The following GRIA4 variants were observed in gnomAD, a reference collection of about 807,000 sequenced individuals.
GRIA4 encodes glutamate ionotropic receptor AMPA type subunit 4.
A neutral mutation model predicts 104.0 loss-of-function variants in GRIA4; 34 were observed. The observed-to-expected ratio is 0.33, with a 90% CI of 0.25 to 0.44. The LOEUF (loss-of-function observed/expected upper bound fraction) is 0.44. Ranked by LOEUF, GRIA4 falls within the 20% of genes least tolerant of loss-of-function variation. The probability of loss-of-function intolerance (pLI) is 1.00; values close to 1 mark genes in which losing one functional copy is unlikely to be tolerated. For missense variants in GRIA4, 750 were observed against 1,096.5 expected (o/e 0.68, Z 4.46); for synonymous variants, 386 against 381.9 (o/e 1.01, Z -0.13).
At chr11:105,967,667 T>C (rs1341663903) in intron 14 of GRIA4, among the ~76,000 whole-genome samples, 1 of 150,118 alleles carries the variant, frequency 6.7e-6, no homozygotes. Context: ...AAATACATTA[T>C]GTTTTATTTT....
At chr11:105,675,786 A>G (rs1952516687) in intron 3 of GRIA4, among the ~76,000 whole-genome samples, 1 of 151,778 alleles carries the variant, frequency 6.6e-6, no homozygotes, top group Non-Finnish European at 1.5e-5. Flanking sequence ...AAATTTGGGG[A>G]TCATATATTT....
At position 105,862,118 on chromosome 11, in the gene GRIA4, T is replaced by C. The variant is rs561485604; in HGVS notation, c.582T>C (p.Tyr194=). 3 of 1,608,468 alleles carry C rather than the reference T, an allele frequency of 1.9e-6. No individual in the cohort carries two copies. Among genetic ancestry groups the C allele is most frequent in the Admixed American group, 1.7e-5 (1 of 59,998 alleles). ...ICVENFNDVS[Y]RQLLEELDRR... is the part of the protein sequence containing the mutation. Reference sequence around the variant, plus strand: ...TGGAAAATTTTAATGATGTCAGCTATAGGCAACTTCTAGAAGAACTTGACA... The same window carrying C: ...TGGAAAATTTTAATGATGTCAGCTACAGGCAACTTCTAGAAGAACTTGACA... The change falls in exon 5 of 17, where the codon TAT becomes TAC. Residue 194 remains tyrosine, a synonymous_variant. Transcript: ENST00000282499.
chr11:105,853,336 T>G (rs1944887563), intron 4 of GRIA4, among the ~76,000 whole-genome samples: 1 of 152,148 alleles, frequency 6.6e-6, no homozygotes, highest in Non-Finnish European at 1.5e-5. Flanking sequence ...TCAGGATGGT[T>G]GCTATAAATA....
chr11:105,887,386 C>G (rs1004933959), intron 5 of GRIA4, 133 bp from the exon 6 acceptor site: 5 of 495,640 alleles, frequency 1.0e-5, no homozygotes, highest in South Asian at 3.5e-5. Flanking sequence ...TAGTACGTGA[C>G]TTTTATTTTT....
chr11:105,869,202 G>C lies in GRIA4; in HGVS notation c.672+6994G>C, dbSNP rs539650329. Among the ~76,000 whole-genome samples, 3 of 152,230 alleles carry C rather than the reference G, an allele frequency of 2.0e-5. No individual in the cohort carries two copies. The South Asian group carries it at 6.2e-4, about 32-fold the overall frequency. ...AAAGGATATAAGTTTTTTCAAGGAA[G>C]AAGAAAAATATGATTGTCAGAATGC... On this transcript the variant is annotated intron_variant, in intron 5 of 16. Coordinates refer to ENST00000282499, the MANE Select transcript of GRIA4 (RefSeq NM_000829.4).
At chr11:105,649,208 T>C (rs1162164738) in intron 3 of GRIA4, among the ~76,000 whole-genome samples, 2 of 152,038 alleles carry the variant, frequency 1.3e-5, no homozygotes. Flanking sequence ...TCAATAGAAA[T>C]GCATTAGTAG....
intron 3 of GRIA4, among the ~76,000 whole-genome samples, chr11:105,679,571 T>A (rs1203874899): frequency 1.3e-5 from 2 of 152,170 alleles, no homozygotes; most frequent in African/African-American, 4.8e-5. Context: ...TGATATTTAC[T>A]GTTCTTGATA....
chr11:105,683,672 G>A (rs1952779939), intron 3 of GRIA4, among the ~76,000 whole-genome samples: 2 of 151,218 alleles, frequency 1.3e-5, no homozygotes, highest in Non-Finnish European at 3.0e-5. Flanking sequence ...CAATGTTAAG[G>A]AAAAAAAAGC....
chr11:105,920,285 TA>T (rs1206967737), intron 11 of GRIA4, among the ~76,000 whole-genome samples: 1 of 152,200 alleles, frequency 6.6e-6, no homozygotes, highest in Non-Finnish European at 1.5e-5. Flanking sequence ...TATTGAGCTT[TA>T]AATTCCAAAG....
At chr11:105,970,217 A>G (rs558013465) in intron 14 of GRIA4, among the ~76,000 whole-genome samples, 3 of 152,268 alleles carry the variant, frequency 2.0e-5, no homozygotes, top group South Asian at 4.1e-4. Context: ...GGAACAATGA[A>G]CCTAAGCCAT....
At chr11:105,945,702 T>A (rs1454555878) in intron 14 of GRIA4, among the ~76,000 whole-genome samples, 1 of 152,242 alleles carries the variant, frequency 6.6e-6, no homozygotes, top group Non-Finnish European at 1.5e-5. Flanking sequence ...ATAAAAACTT[T>A]CACACAAGTC....
At chr11:105,844,883 T>G (rs1394221102) in intron 4 of GRIA4, among the ~76,000 whole-genome samples, 1 of 152,192 alleles carries the variant, frequency 6.6e-6, no homozygotes, top group Non-Finnish European at 1.5e-5. Context: ...CTTCTGCGGT[T>G]TATAGAAGAC....
chr11:105,678,823 A>G (rs1434533186), intron 3 of GRIA4, among the ~76,000 whole-genome samples: 1 of 152,118 alleles, frequency 6.6e-6, no homozygotes, highest in Non-Finnish European at 1.5e-5. Context: ...TAAATAAAAT[A>G]AAGCTAATGT....
chr11:105,741,310 C>G (rs993708724), intron 3 of GRIA4, among the ~76,000 whole-genome samples: 1 of 151,940 alleles, frequency 6.6e-6, no homozygotes, highest in Non-Finnish European at 1.5e-5. Context: ...AAGAGACAAC[C>G]AAAGGGTGTG....
chr11:105,627,286 G>T (rs991100142), intron 3 of GRIA4, among the ~76,000 whole-genome samples: 1 of 152,102 alleles, frequency 6.6e-6, no homozygotes, highest in Non-Finnish European at 1.5e-5. Flanking sequence ...ATAGAGTAGG[G>T]GTAGGGGGGA....
chr11:105,665,056 T>C (rs1197522307), intron 3 of GRIA4, among the ~76,000 whole-genome samples: 1 of 152,056 alleles, frequency 6.6e-6, no homozygotes, highest in Non-Finnish European at 1.5e-5. Context: ...TTTGAGGTAA[T>C]GACAAAGTAC....
intron 5 of GRIA4, among the ~76,000 whole-genome samples, chr11:105,864,660 C>T (rs575056003): frequency 2.6e-5 from 4 of 152,198 alleles, no homozygotes; most frequent in East Asian, 1.9e-4. Context: ...CACCTGAGGT[C>T]GGGAGTTCGA....
At chr11:105,726,955 C>A (rs555189818) in intron 3 of GRIA4, among the ~76,000 whole-genome samples, 2 of 152,136 alleles carry the variant, frequency 1.3e-5, no homozygotes, top group East Asian at 3.9e-4. Flanking sequence ...GCTTAAAATG[C>A]CAAAAACTAC....
At chr11:105,801,485 C>T (rs1942718679) in intron 4 of GRIA4, among the ~76,000 whole-genome samples, 1 of 151,714 alleles carries the variant, frequency 6.6e-6, no homozygotes, top group Non-Finnish European at 1.5e-5. Context: ...AAAAAAGTGC[C>T]AAATAAACTT....
Sources: gnomAD v4.1 joint callset for allele counts (sites outside exome capture counted in the v4.1 genomes callset) on GRCh38, gnomAD v4.1.1 for gene constraint, MANE v1.5 for transcripts, NCBI Gene and HGNC (gene_info 2026-07-23, HGNC 2026-07-21) for gene names.